The following PCDHGC3 variants were observed in gnomAD, a reference collection of about 807,000 sequenced individuals.
The protein encoded by PCDHGC3 is protocadherin gamma-C3.
Under a neutral mutation model 59.2 loss-of-function variants are expected in PCDHGC3, and 26 were observed. That is an observed-to-expected ratio of 0.44 (90% CI 0.32 to 0.61). The LOEUF is 0.61. Ranked by LOEUF, PCDHGC3 falls within the 20% of genes least tolerant of loss-of-function variation. The pLI is 0.05. For missense variants in PCDHGC3, 1,080 were observed against 1,221.8 expected, an observed-to-expected ratio of 0.88 and a Z score of 1.73; for synonymous variants, 487 against 519.7, an observed-to-expected ratio of 0.94 and a Z score of 0.86.
rs1216840918 is a variant in PCDHGC3, at chr5:141,476,285, G to C, written c.169G>C (p.Asp57His). The C allele has an allele frequency of 1.2e-6, 2 of 1,614,036 alleles. No individual in the cohort carries two copies. The highest frequency in any genetic ancestry group is 1.7e-6 in the Non-Finnish European group (2 of 1,180,032). ...CAACGTGGTCGCGAACCTTGGTTTG[G>C]ATCTCGGTAGCCTCTCAGCCCGCAG... ...VGNVVANLGL[D>H]LGSLSARRFR... Residue 57 changes from aspartate to histidine, a missense_variant, in exon 1 of 4, where the codon GAT (aspartate) becomes CAT (histidine). Coordinates refer to ENST00000308177, the MANE Select transcript of PCDHGC3 (RefSeq NM_002588.4). This position sits in a 1 kb window ranked among gnomAD's most constrained non-coding sequence, Gnocchi z 7.6.
chr5:141,476,770 C>T lies in PCDHGC3; in HGVS notation c.654C>T (p.Asp218=), dbSNP rs1452363016. 6.2e-7 allele frequency: 1 copy of T among 1,613,568 alleles called. No homozygotes were observed. The highest frequency in any genetic ancestry group is 8.5e-7 in the Non-Finnish European group (1 of 1,180,020). ...TCCAGTTAGTGCTGACGGCGTTGGA[C>T]GGAGGGACCCCAGCTCTCTCCGCCA... ...PSLQLVLTAL[D]GGTPALSASL... Residue 218 remains aspartate (D), a synonymous_variant, in exon 1 of 4, where the codon GAC becomes GAT. Coordinates refer to ENST00000308177, the MANE Select transcript of PCDHGC3 (RefSeq NM_002588.4). This position sits in a 1 kb window ranked among gnomAD's most constrained non-coding sequence, Gnocchi z 7.6.
At chr5:141,483,637 G>A (rs1365525499) in intron 1 of PCDHGC3, among the ~76,000 whole-genome samples, 1 of 145,878 alleles carries the variant, frequency 6.9e-6, no homozygotes, top group South Asian at 2.1e-4. Flanking sequence ...AAGGTATAGA[G>A]GGGTGTGTGT....
chr5:141,494,676 C>G, intron 1 of PCDHGC3, 131 bp from the exon 2 acceptor site: 1 of 1,550,918 alleles, frequency 6.4e-7, no homozygotes, highest in African/African-American at 1.4e-5. Context: ...GAGTCCACCC[C>G]TGCCCCCTCT....
In PCDHGC3 at chr5:141,476,928, T is replaced by C. The variant is rs1279715094; in HGVS notation, c.812T>C (p.Leu271Pro). 6.2e-7 allele frequency: 1 copy of C among 1,614,142 alleles called. No individual in the cohort carries two copies. The highest frequency in any genetic ancestry group is 2.2e-5 in the East Asian group (1 of 44,868). The change falls in exon 1 of 4, where the codon CTG becomes CCG. Residue 271 changes from leucine (L) to proline (P), a missense_variant. Physicochemically the swap from Leu to Pro is moderately conservative, Grantham distance 98 (BLOSUM62 -3). Transcript: ENST00000308177. This position sits in a 1 kb window ranked among gnomAD's most constrained non-coding sequence, Gnocchi z 7.6. ...TRVVQVLATD[L>P]DEGPNGEIIY... ...GTGGTACAAGTCCTTGCAACGGATC[T>C]GGATGAAGGCCCCAACGGTGAAATT...
In PCDHGC3 at chr5:141,487,694, AC is replaced by A. The variant is rs1296386169; in HGVS notation, c.2431-7112del. On this transcript the variant is annotated intron_variant, in intron 1 of 3. Coordinates refer to ENST00000308177, the MANE Select transcript of PCDHGC3 (RefSeq NM_002588.4). The surrounding 1 kb of genome is among the most constrained non-coding windows in gnomAD (Gnocchi z 5.0). ...ATGGCTAGGCCATGTCCTAGAGAGT[AC>A]TGGCCTCTCAGTAAGTGCCCATAGT... is the stretch of plus-strand genomic sequence containing the variant. The A allele has an allele frequency of 6.2e-7, 1 of 1,602,048 alleles. No individual in the cohort carries two copies. The highest frequency in any genetic ancestry group is 2.2e-5 in the East Asian group (1 of 44,642).
Position 141,477,849 on chromosome 5 carries a change from A to G in PCDHGC3, c.1733A>G (p.Glu578Gly). ...LYPRPGGSSV[E>G]MLPRGTSAGH... ...CCTCGGCCAGGTGGGAGCTCGGTGGAGATGCTGCCTCGAGGTACCTCAGCT... is the reference window on the plus strand; with the variant it reads ...CCTCGGCCAGGTGGGAGCTCGGTGGGGATGCTGCCTCGAGGTACCTCAGCT... The change falls in exon 1 of 4, where the codon GAG (glutamate) becomes GGG (glycine). Residue 578 changes from glutamate to glycine, a missense_variant. Physicochemically the swap from Glu to Gly is moderately conservative, Grantham distance 98 (BLOSUM62 -2). Transcript: ENST00000308177. This position sits in a 1 kb window ranked among gnomAD's most constrained non-coding sequence, Gnocchi z 4.9. The G allele has an allele frequency of 6.8e-6, 11 of 1,612,812 alleles. No individual in the cohort carries two copies. Among genetic ancestry groups the G allele is most frequent in the Non-Finnish European group, 8.5e-6 (10 of 1,179,548 alleles).
chr5:141,480,380 A>C (rs1192159457), intron 1 of PCDHGC3, among the ~76,000 whole-genome samples: 3 of 151,970 alleles, frequency 2.0e-5, no homozygotes, highest in African/African-American at 4.8e-5. Context: ...GCACCACTAC[A>C]CTTCAACCAT....
Position 141,493,360 on chromosome 5 carries a change from G to T in PCDHGC3, c.2431-1447G>T, listed in dbSNP as rs1364095483. Reference sequence around the variant, plus strand: ...CAGAATGTGTGCTTTTAATTTCTTGGCACTTGGAACTTTAAAAGCTTGAGG... The same window carrying T: ...CAGAATGTGTGCTTTTAATTTCTTGTCACTTGGAACTTTAAAAGCTTGAGG... On this transcript the variant is annotated intron_variant, in intron 1 of 3. Transcript: ENST00000308177. This position sits in a 1 kb window ranked among gnomAD's most constrained non-coding sequence, Gnocchi z 4.3. Among the ~76,000 whole-genome samples the T allele has an allele frequency of 6.6e-6, 1 of 152,144 alleles. No individual in the cohort carries two copies. The highest frequency in any genetic ancestry group is 1.5e-5 in the Non-Finnish European group (1 of 68,022).
chr5:141,492,616 G>A (rs976681246), intron 1 of PCDHGC3, among the ~76,000 whole-genome samples: 1 of 152,252 alleles, frequency 6.6e-6, no homozygotes. Flanking sequence ...CTAAGTGCCG[G>A]GCGGGCAGGA....
In PCDHGC3 at chr5:141,485,935, C is replaced by T. The variant is rs2099621642; in HGVS notation, c.2430+7389C>T. The T allele has an allele frequency of 6.2e-7, 1 of 1,614,026 alleles. No homozygotes were observed. Among genetic ancestry groups the T allele is most frequent in the Non-Finnish European group, 8.5e-7 (1 of 1,180,038 alleles). On this transcript the variant is annotated intron_variant, in intron 1 of 3. Coordinates refer to ENST00000308177, the MANE Select transcript of PCDHGC3 (RefSeq NM_002588.4). The surrounding 1 kb of genome is among the most constrained non-coding windows in gnomAD (Gnocchi z 5.7). Reference sequence around the variant, plus strand: ...GCTACAGGATTAGTGTGTTGGAGAGCGCACCAGCGGGCATGGTGCTCATCC... The same window carrying T: ...GCTACAGGATTAGTGTGTTGGAGAGTGCACCAGCGGGCATGGTGCTCATCC...
rs2099410057 is a variant in PCDHGC3, at chr5:141,477,370, G to C, written c.1254G>C (p.Glu418Asp). The C allele has an allele frequency of 6.2e-7, 1 of 1,614,054 alleles. No homozygotes were observed. Residue 418 changes from glutamate to aspartate, a missense_variant, in exon 1 of 4, where the codon GAG becomes GAC. Coordinates refer to ENST00000308177, the MANE Select transcript of PCDHGC3 (RefSeq NM_002588.4). This position sits in a 1 kb window ranked among gnomAD's most constrained non-coding sequence, Gnocchi z 4.9. ...TLKTSADLDR[E>D]TVPEYNLSIT... The stretch of plus-strand genomic sequence containing the variant: ...AAACCAGTGCAGACCTGGATCGGGA[G>C]ACTGTGCCAGAATACAACCTCAGCA...
In PCDHGC3 at chr5:141,478,189, C is replaced by T. The variant is rs774322691; in HGVS notation, c.2073C>T (p.Thr691=). ...CCCGGGAGCAGAAAAAAAATCTCAC[C>T]TTTTATCTACTTCTTTCTCTAATCC... ...SAPREQKKNL[T]FYLLLSLILV... is the part of the protein sequence containing the mutation. Residue 691 remains threonine (T), a synonymous_variant, in exon 1 of 4, where the codon ACC becomes ACT. Transcript: ENST00000308177. 6.2e-7 allele frequency: 1 copy of T among 1,614,020 alleles called. No homozygotes were observed. The highest frequency in any genetic ancestry group is 1.1e-5 in the South Asian group (1 of 91,086).
At chr5:141,498,971 GGGAAGGAAGGAAGGAAGGAA>G (rs201769957) in intron 2 of PCDHGC3, among the ~76,000 whole-genome samples, 1,566 of 111,048 alleles carry the variant, frequency 0.014, 32 homozygotes, top group African/African-American at 0.048. Flanking sequence ...GAGGGAGGGA[GGGAAGGAAGGAAGGAAGGAA>G]GGAAGGAAGG....
chr5:141,497,131 A>G (rs1269110126), intron 2 of PCDHGC3, among the ~76,000 whole-genome samples: 3 of 152,122 alleles, frequency 2.0e-5, no homozygotes, highest in Admixed American at 6.6e-5. Flanking sequence ...GGTTGCAGTG[A>G]GCTGAGATCA....
Position 141,510,942 on chromosome 5 carries a change from T to C in PCDHGC3, c.2579-5T>C, listed in dbSNP as rs769766039. On this transcript the variant is annotated splice_region_variant and splice_polypyrimidine_tract_variant and intron_variant, in intron 3 of 3. Transcript: ENST00000308177. ...CTCCCACCTGATCTTCCTCTGTCTCTGCAGAAGCTGCTGATGGGAGCTCCA... is the reference window on the plus strand; with the variant it reads ...CTCCCACCTGATCTTCCTCTGTCTCCGCAGAAGCTGCTGATGGGAGCTCCA... 5 of 1,613,984 alleles carry C rather than the reference T, an allele frequency of 3.1e-6. No homozygotes were observed. The highest frequency in any genetic ancestry group is 4.2e-6 in the Non-Finnish European group (5 of 1,180,014).
rs534187376 is a variant in PCDHGC3 at position 141,512,974 on chromosome 5, A to G, written c.*1801A>G. ...AAAATAATAAAACGTTTCTTCTGAA[A>G]AGCTGAACGTTTCTGTATAAGCGAT... is the stretch of plus-strand genomic sequence containing the variant. On this transcript the variant is annotated 3_prime_UTR_variant, in exon 4 of 4. Transcript: ENST00000308177. The G allele has an allele frequency of 6.6e-6, 1 of 152,362 alleles. No individual in the cohort carries two copies. Among genetic ancestry groups the G allele is most frequent in the South Asian group, 2.1e-4 (1 of 4,826 alleles). The allele number at this position is 152,362 out of a possible 1,614,324, so 9.4% of individuals were successfully genotyped here. A position where few individuals can be genotyped will look rare whatever the true frequency, so the allele number is the denominator to read the frequency against.
chr5:141,504,379 G>A lies in PCDHGC3; in HGVS notation c.2490-1014G>A, dbSNP rs181617363. On this transcript the variant is annotated intron_variant, in intron 2 of 3. Transcript: ENST00000308177. ...GCTTCAGTAGGAAGCAGGTGGAGTC[G>A]CTGCCTCACAGAAGCCAGTGTGGTG... Among the ~76,000 whole-genome samples the A allele has an allele frequency of 2.4e-3, 361 of 152,206 alleles. 1 individual carries two copies. The highest frequency in any genetic ancestry group is 0.021 in the Admixed American group (315 of 15,286).
At position 141,486,135 on chromosome 5, in the gene PCDHGC3, G is replaced by A. The variant is rs145871538; in HGVS notation, c.2430+7589G>A. ...GAGAATTACTATGAATTTGATGTGC[G>A]GGCTCGCGATGGGGGTTCTCCAGCC... On this transcript the variant is annotated intron_variant, in intron 1 of 3. Transcript: ENST00000308177. This position sits in a 1 kb window ranked among gnomAD's most constrained non-coding sequence, Gnocchi z 5.0. The A allele has an allele frequency of 1.9e-6, 3 of 1,614,168 alleles. No homozygotes were observed. Among genetic ancestry groups the A allele is most frequent in the Non-Finnish European group, 2.5e-6 (3 of 1,180,022 alleles).
In PCDHGC3 at chr5:141,491,715, G is replaced by A. The variant is rs1333909488; in HGVS notation, c.2431-3092G>A. 1 of 1,607,782 alleles carries A rather than the reference G, an allele frequency of 6.2e-7. No individual in the cohort carries two copies. Among genetic ancestry groups the A allele is most frequent in the Admixed American group, 1.7e-5 (1 of 58,966 alleles). On this transcript the variant is annotated intron_variant, in intron 1 of 3. Transcript: ENST00000308177. This position sits in a 1 kb window ranked among gnomAD's most constrained non-coding sequence, Gnocchi z 6.9. ...AGCGGAGCCAGGTGAGGGGCTCGGC[G>A]CCGCCCCGGGCGACCCCTGGGGGCG...
Sources: allele counts gnomAD v4.1 joint callset (sites outside exome capture counted in the v4.1 genomes callset), GRCh38; gene constraint gnomAD v4.1.1; non-coding constraint Gnocchi (gnomAD v3.1); transcripts MANE v1.5; gene names NCBI Gene and HGNC (gene_info 2026-07-23, HGNC 2026-07-21).